SPAST: variants seen among roughly 807,000 people sequenced by gnomAD.
SPAST encodes the protein spastic paraplegia 4 (autosomal dominant; spastin).
A neutral mutation model predicts 76.6 loss-of-function variants in SPAST; 30 were observed. The observed-to-expected ratio is 0.39, with a 90% CI of 0.29 to 0.53. SPAST has a LOEUF of 0.53. SPAST is among the 20% of genes least tolerant of loss of function. The pLI is 0.68. For missense variants in SPAST, 717 were observed against 770.5 expected (o/e 0.93, Z 0.82); for synonymous variants, 305 against 281.0 (o/e 1.09, Z -0.86).
At chr2:32,123,064 C>T (rs1380450946) in intron 7 of SPAST, among the ~76,000 whole-genome samples, 1 of 152,028 alleles carries the variant, frequency 6.6e-6, no homozygotes, top group East Asian at 1.9e-4. Flanking sequence ...GGGTTCAAGA[C>T]CAGCCTGACC....
chr2:32,083,184 C>T (rs1269734636), intron 1 of SPAST, among the ~76,000 whole-genome samples: 2 of 152,038 alleles, frequency 1.3e-5, no homozygotes, highest in East Asian at 3.9e-4. Flanking sequence ...GTTGGCCAGG[C>T]TGGTCTTGAA....
At position 32,140,949 on chromosome 2, in the gene SPAST, T is replaced by G. The variant is rs200816759; in HGVS notation, c.1494-955T>G. 7.3e-4 allele frequency among the ~76,000 whole-genome samples: 69 copies of G among 94,970 alleles called. No homozygotes were observed. The East Asian group carries it at 0.019, about 26-fold the overall frequency. 62.3% of individuals were successfully genotyped at this position (94,970 alleles called of 152,430 possible). On this transcript the variant is annotated intron_variant, in intron 12 of 16. Coordinates refer to ENST00000315285, the MANE Select transcript of SPAST (RefSeq NM_014946.4). ...GGCAGGTTTTGTTGTTGTTGTTTTT[T>G]TTTTTTTTTTTTTAAATGAGCCCTG...
intron 1 of SPAST, among the ~76,000 whole-genome samples, chr2:32,079,980 C>A (rs1284558108): frequency 6.6e-6 from 1 of 152,136 alleles, no homozygotes; most frequent in African/African-American, 2.4e-5. Context: ...TATATGGTAA[C>A]TTTCTGTTTA....
Position 32,110,542 on chromosome 2 carries a change from ATATATATACTATATAGTGTGTATATATAG to A in SPAST, c.683-4087_683-4059del, listed in dbSNP as rs1678522006. On this transcript the variant is annotated intron_variant, in intron 4 of 16. Coordinates refer to ENST00000315285, the MANE Select transcript of SPAST (RefSeq NM_014946.4). ...ATACTATATAGTGTGTATATATAGT[ATATATATACTATATAGTGTGTATATATAG>A]TATATATATAGTGTATATATCGTAT... Among the ~76,000 whole-genome samples, 6 of 131,894 alleles carry A rather than the reference ATATATATACTATATAGTGTGTATATATAG, an allele frequency of 4.5e-5. No individual in the cohort carries two copies. In the South Asian group the frequency reaches 1.1e-3, roughly 25 times the overall value. The allele number at this position is 131,894 out of a possible 152,430, so 86.5% of individuals were successfully genotyped here.
chr2:32,145,748 G>T (rs1294505360), intron 15 of SPAST, among the ~76,000 whole-genome samples: 1 of 152,130 alleles, frequency 6.6e-6, no homozygotes, highest in African/African-American at 2.4e-5. Context: ...ATTCTTTTTA[G>T]GTTAGGTTAG....
rs1243399194 is a variant in SPAST at position 32,155,487 on chromosome 2, A to G, written c.*991A>G. ...AGGATAATTATAAGCAAGTGGAACT[A>G]CCATCTTTTATTCTTAATAATTATT... On this transcript the variant is annotated 3_prime_UTR_variant, in exon 17 of 17. Coordinates refer to ENST00000315285, the MANE Select transcript of SPAST (RefSeq NM_014946.4). The G allele has an allele frequency of 6.6e-6, 1 of 152,570 alleles. No homozygotes were observed. The highest frequency in any genetic ancestry group is 2.4e-5 in the African/African-American group (1 of 41,454). 9.5% of individuals were successfully genotyped at this position (152,570 alleles called of 1,614,324 possible).
chr2:32,119,606 T>A (rs1033876304), intron 7 of SPAST, among the ~76,000 whole-genome samples: 3 of 152,196 alleles, frequency 2.0e-5, no homozygotes, highest in Admixed American at 2.0e-4. Flanking sequence ...ATTGAAAAAC[T>A]TCTCCATCTT....
chr2:32,151,460 C>G (rs1483327002), intron 16 of SPAST, among the ~76,000 whole-genome samples: 3 of 152,108 alleles, frequency 2.0e-5, no homozygotes, highest in African/African-American at 7.2e-5. Context: ...TTAAGGTAAT[C>G]CATTCTCTCA....
chr2:32,147,654 C>T (rs1329795735), intron 16 of SPAST, among the ~76,000 whole-genome samples: 25 of 106,254 alleles, frequency 2.4e-4, no homozygotes, highest in Non-Finnish European at 4.2e-4. Flanking sequence ...TTGTTTGAGA[C>T]GGAGTCTCAC....
chr2:32,138,613 T>A (rs775437735), intron 12 of SPAST, among the ~76,000 whole-genome samples: 1 of 152,214 alleles, frequency 6.6e-6, no homozygotes, highest in Non-Finnish European at 1.5e-5. Context: ...CTGTAGATTG[T>A]CTGTTTACTC....
intron 2 of SPAST, among the ~76,000 whole-genome samples, 187 bp downstream of exon 2, chr2:32,087,765 A>G (rs1375248610): frequency 7.3e-6 from 1 of 137,088 alleles, no homozygotes; most frequent in Admixed American, 8.1e-5. Context: ...ATGTGATCAT[A>G]GCTCACTGCA....
At chr2:32,116,565 C>G (rs182298761) in intron 7 of SPAST, among the ~76,000 whole-genome samples, 2 of 152,222 alleles carry the variant, frequency 1.3e-5, no homozygotes, top group Non-Finnish European at 2.9e-5. Context: ...TCCCAGAATT[C>G]AAGTGATTCT....
chr2:32,132,856 C>G (rs1679416440), intron 9 of SPAST, among the ~76,000 whole-genome samples: 1 of 152,080 alleles, frequency 6.6e-6, no homozygotes, highest in African/African-American at 2.4e-5. Context: ...CAAATCTCTA[C>G]TAAATACTAA....
intron 4 of SPAST, among the ~76,000 whole-genome samples, chr2:32,105,015 G>C (rs1477775003): frequency 1.3e-5 from 2 of 152,144 alleles, no homozygotes; most frequent in African/African-American, 4.8e-5. Flanking sequence ...CTAGGTTGGG[G>C]AACTTCTCCT....
intron 1 of SPAST, among the ~76,000 whole-genome samples, chr2:32,079,254 C>T (rs771177440): frequency 5.9e-5 from 9 of 152,118 alleles, no homozygotes; most frequent in South Asian, 2.1e-4. Context: ...CGGTGGCTCA[C>T]GCCTGTAATC....
At chr2:32,103,534 C>T (rs1678204751) in intron 4 of SPAST, among the ~76,000 whole-genome samples, 1 of 152,032 alleles carries the variant, frequency 6.6e-6, no homozygotes, top group Non-Finnish European at 1.5e-5. Context: ...GCTCTTGCTT[C>T]TCTAGTTCTT....
rs747993450 is a variant in SPAST, at chr2:32,064,138, T to TCGGCCC, written c.312_317dup (p.Ala106_Pro107dup). On this transcript the variant is annotated inframe_insertion, in exon 1 of 17. Transcript: ENST00000315285. ...GGCCGCGCCAGCACCTGCCTCGGCC[T>TCGGCCC]CGGCCCCGGCGCCGGTGCCGGGCGG... The TCGGCCC allele has an allele frequency of 1.5e-5, 23 of 1,570,428 alleles. No homozygotes were observed. The highest frequency in any genetic ancestry group is 7.0e-5 in the East Asian group (3 of 42,840).
chr2:32,092,619 G>A (rs913545130), intron 3 of SPAST, among the ~76,000 whole-genome samples: 4 of 152,166 alleles, frequency 2.6e-5, no homozygotes, highest in East Asian at 1.9e-4. Context: ...AAGATTTAAC[G>A]TTTTGGATAT....
chr2:32,113,560 C>CTTTTTTTT (rs10534612), intron 4 of SPAST, among the ~76,000 whole-genome samples: 5 of 90,906 alleles, frequency 5.5e-5, no homozygotes, highest in Non-Finnish European at 1.0e-4. Flanking sequence ...TGCTTCATAA[C>CTTTTTTTT]TTTTTTTTTT....
Sources: gnomAD v4.1 joint callset for allele counts (sites outside exome capture counted in the v4.1 genomes callset) on GRCh38, gnomAD v4.1.1 for gene constraint, MANE v1.5 for transcripts, NCBI Gene and HGNC (gene_info 2026-07-23, HGNC 2026-07-21) for gene names.